Variants in UBR1 observed in about 807,000 individuals in gnomAD.
UBR1 encodes ubiquitin protein ligase E3 component n-recognin 1.
Under a neutral mutation model 242.1 loss-of-function variants are expected in UBR1, and 102 were observed. That is an observed-to-expected ratio of 0.42 (90% CI 0.36 to 0.50). UBR1 has a LOEUF of 0.50. Ranked by LOEUF, UBR1 falls within the 20% of genes least tolerant of loss-of-function variation. The probability of loss-of-function intolerance (pLI) is 0.01; values close to 1 mark genes in which losing one functional copy is unlikely to be tolerated. For synonymous variants in UBR1, 675 were observed against 684.8 expected (o/e 0.99, Z 0.22); for missense variants, 1,772 against 2,101.8 (o/e 0.84, Z 3.07).
intron 25 of UBR1, among the ~76,000 whole-genome samples, chr15:43,023,926 G>A (rs1381761453): frequency 1.3e-5 from 2 of 152,108 alleles, no homozygotes; most frequent in African/African-American, 4.8e-5. Context: ...ATTGTTCTTT[G>A]TTACAGCAAA....
At chr15:43,012,144 G>A (rs2032932546) in intron 29 of UBR1, among the ~76,000 whole-genome samples, 1 of 151,624 alleles carries the variant, frequency 6.6e-6, no homozygotes, top group Non-Finnish European at 1.5e-5. Context: ...GGAGAATGGC[G>A]TGAACCCTGG....
chr15:43,065,440 G>A (rs572361577), intron 6 of UBR1, among the ~76,000 whole-genome samples: 4 of 151,816 alleles, frequency 2.6e-5, no homozygotes, highest in East Asian at 1.9e-4. Context: ...GTGGTCTGCC[G>A]CAGAGATCAA....
chr15:42,976,965 G>T, intron 38 of UBR1, 98 bp from the exon 39 acceptor site: 1 of 1,280,382 alleles, frequency 7.8e-7, no homozygotes, highest in Non-Finnish European at 1.1e-6. Flanking sequence ...GCTACACAGT[G>T]TTTGTGTGTG....
At chr15:42,974,652 G>A (rs184768385) in intron 39 of UBR1, among the ~76,000 whole-genome samples, 10 of 152,190 alleles carry the variant, frequency 6.6e-5, no homozygotes, top group Admixed American at 2.0e-4. Flanking sequence ...TCTGTTACCC[G>A]GCCTGGACTG....
Position 43,002,711 on chromosome 15 carries a change from A to C in UBR1, c.3510-7T>G. The C allele has an allele frequency of 6.2e-7, 1 of 1,613,886 alleles. No individual in the cohort carries two copies. The highest frequency in any genetic ancestry group is 1.1e-5 in the South Asian group (1 of 91,072). On this transcript the variant is annotated splice_polypyrimidine_tract_variant and splice_region_variant and intron_variant, in intron 31 of 46. Transcript: ENST00000290650. Reference sequence around the variant, plus strand: ...CTGTACAGCTTCAAAATACCTGCAAAATTACAAAGACACAGGCCCATTCAG... The same window carrying C: ...CTGTACAGCTTCAAAATACCTGCAACATTACAAAGACACAGGCCCATTCAG...
intron 30 of UBR1, among the ~76,000 whole-genome samples, chr15:43,005,215 C>T (rs919660185): frequency 3.3e-5 from 5 of 151,826 alleles, no homozygotes; most frequent in East Asian, 1.9e-4. Context: ...GGAGCATCTC[C>T]GCCCGGCAGC....
At chr15:43,092,426 T>C (rs1009899660) in intron 1 of UBR1, among the ~76,000 whole-genome samples, 4 of 152,218 alleles carry the variant, frequency 2.6e-5, no homozygotes, top group African/African-American at 9.6e-5. Flanking sequence ...GCTCTTCAAA[T>C]CCCTGTATCC....
In UBR1 at chr15:42,998,937, C is replaced by CTT. The variant is rs35098054; in HGVS notation, c.3660-674_3660-673dup. 3.5e-3 allele frequency among the ~76,000 whole-genome samples: 429 copies of CTT among 121,232 alleles called. 7 individuals are homozygous for CTT. Among genetic ancestry groups the CTT allele is most frequent in the South Asian group, 4.9e-3 (18 of 3,688 alleles). 79.5% of individuals were successfully genotyped at this position (121,232 alleles called of 152,430 possible). A position where few individuals can be genotyped will look rare whatever the true frequency, so the allele number is the denominator to read the frequency against. On this transcript the variant is annotated intron_variant, in intron 32 of 46. Transcript: ENST00000290650. The stretch of plus-strand genomic sequence containing the variant: ...TGGGGTTCCAAACTTGGAGCCTTTG[C>CTT]TTTTTTTTTTTTTTTTTTGAGATGG...
chr15:42,999,354 C>A (rs147505659), intron 32 of UBR1, among the ~76,000 whole-genome samples: 4 of 152,352 alleles, frequency 2.6e-5, no homozygotes, highest in Admixed American at 6.5e-5. Flanking sequence ...CAGAGAAGAG[C>A]TCCCTGACAA....
At chr15:42,976,612 A>G in intron 39 of UBR1, 105 bp downstream of exon 39, 1 of 1,396,050 alleles carries the variant, frequency 7.2e-7, no homozygotes, top group Non-Finnish European at 1.0e-6. Flanking sequence ...CAAAAAACAT[A>G]ACACAGAACC....
chr15:43,040,649 G>A (rs1216115703), intron 15 of UBR1, among the ~76,000 whole-genome samples: 1 of 152,164 alleles, frequency 6.6e-6, no homozygotes, highest in African/African-American at 2.4e-5. Context: ...CCGTCAGAGT[G>A]AACAGGCAAC....
chr15:43,016,017 A>G (rs779542170), intron 28 of UBR1, 148 bp from the exon 29 acceptor site: 5 of 684,944 alleles, frequency 7.3e-6, no homozygotes, highest in African/African-American at 1.8e-5. Context: ...CAAAATTAGC[A>G]TTACAGGCTG....
At chr15:43,038,748 T>G (rs1487095573) in intron 15 of UBR1, among the ~76,000 whole-genome samples, 2 of 152,224 alleles carry the variant, frequency 1.3e-5, no homozygotes, top group African/African-American at 4.8e-5. Flanking sequence ...TCATACCTTA[T>G]TTAAAAATGA....
intron 39 of UBR1, among the ~76,000 whole-genome samples, chr15:42,974,478 G>T (rs1486676855): frequency 6.6e-6 from 1 of 152,126 alleles, no homozygotes; most frequent in Non-Finnish European, 1.5e-5. Flanking sequence ...TAGCTTTATA[G>T]TAAGTCCTAA....
At chr15:43,087,136 T>G (rs1236102277) in intron 1 of UBR1, among the ~76,000 whole-genome samples, 1 of 152,184 alleles carries the variant, frequency 6.6e-6, no homozygotes, top group Non-Finnish European at 1.5e-5. Flanking sequence ...CCGGGCGCGG[T>G]GGCTCACACC....
chr15:42,958,844 T>G (rs1443554249), intron 43 of UBR1, among the ~76,000 whole-genome samples: 1 of 152,158 alleles, frequency 6.6e-6, no homozygotes, highest in Non-Finnish European at 1.5e-5. Flanking sequence ...TTGATTTATT[T>G]ATTGGAGGCA....
chr15:43,042,123 T>C (rs1459842219), intron 15 of UBR1, among the ~76,000 whole-genome samples: 1 of 152,148 alleles, frequency 6.6e-6, no homozygotes, highest in Non-Finnish European at 1.5e-5. Flanking sequence ...AACACTATGA[T>C]GGTTCCTCAA....
At chr15:43,041,690 A>T (rs1464006793) in intron 15 of UBR1, among the ~76,000 whole-genome samples, 2 of 152,228 alleles carry the variant, frequency 1.3e-5, no homozygotes, top group African/African-American at 2.4e-5. Flanking sequence ...AGATAAATTC[A>T]ACTATAACAA....
At chr15:42,972,200 CCT>C (rs2032218335) in intron 39 of UBR1, among the ~76,000 whole-genome samples, 3 of 151,460 alleles carry the variant, frequency 2.0e-5, no homozygotes, top group African/African-American at 2.4e-5. Flanking sequence ...CACCCTTACC[CCT>C]GGCAATCACT....
Sources: allele counts gnomAD v4.1 joint callset (sites outside exome capture counted in the v4.1 genomes callset), GRCh38; gene constraint gnomAD v4.1.1; transcripts MANE v1.5; gene names NCBI Gene and HGNC (gene_info 2026-07-23, HGNC 2026-07-21).